Variants in PTPRT observed in about 807,000 individuals in gnomAD.
The protein encoded by PTPRT is receptor-type tyrosine-protein phosphatase T.
A neutral mutation model predicts 176.8 loss-of-function variants in PTPRT; 56 were observed. The observed-to-expected ratio is 0.32, with a 90% CI of 0.26 to 0.40. The LOEUF (loss-of-function observed/expected upper bound fraction) is 0.40. Ranked by LOEUF, PTPRT falls within the 10% of genes least tolerant of loss-of-function variation. PTPRT has a pLI of 1.00. For missense variants in PTPRT, 1,540 were observed against 1,908.2 expected (o/e 0.81, Z 3.60); for synonymous variants, 783 against 739.0 (o/e 1.06, Z -0.96).
chr20:42,325,590 C>T (rs1403090357), intron 11 of PTPRT, among the ~76,000 whole-genome samples: 1 of 152,148 alleles, frequency 6.6e-6, no homozygotes, highest in Non-Finnish European at 1.5e-5. Flanking sequence ...TTCATAGTTA[C>T]AGCTCTGAAC....
chr20:42,734,477 T>A (rs1354381585), intron 6 of PTPRT, among the ~76,000 whole-genome samples: 1 of 152,152 alleles, frequency 6.6e-6, no homozygotes. Context: ...AATGGAGAGC[T>A]GAGGCTGCCA....
chr20:42,345,365 A>G (rs2058172599), intron 11 of PTPRT, among the ~76,000 whole-genome samples: 1 of 96,396 alleles, frequency 1.0e-5, no homozygotes, highest in South Asian at 3.9e-4. Context: ...GAAGGCATAT[A>G]TACACACACA....
At position 42,467,208 on chromosome 20, in the gene PTPRT, C is replaced by T. The variant is rs554821718; in HGVS notation, c.1450+5058G>A. 1.4e-3 allele frequency among the ~76,000 whole-genome samples: 218 copies of T among 152,224 alleles called. 1 individual carries two copies. The highest frequency in any genetic ancestry group is 4.9e-3 in the African/African-American group (205 of 41,530). On this transcript the variant is annotated intron_variant, in intron 8 of 30. Transcript: ENST00000373187. ...CTGGTTCAGGTGAAGACTCTCAGGA[C>T]GTGTTAAAACCATTGAGTGAAAGCT... is the stretch of plus-strand genomic sequence containing the variant.
chr20:42,901,770 T>C (rs1244112670), intron 1 of PTPRT, among the ~76,000 whole-genome samples: 2 of 152,192 alleles, frequency 1.3e-5, no homozygotes, highest in Non-Finnish European at 2.9e-5. Flanking sequence ...GAAAAATAAA[T>C]AGAGAAACCA....
chr20:42,768,312 CCT>C (rs891560114), intron 5 of PTPRT, among the ~76,000 whole-genome samples: 1 of 151,800 alleles, frequency 6.6e-6, no homozygotes, highest in Non-Finnish European at 1.5e-5. Flanking sequence ...CCACTTCACC[CCT>C]CTCTCCCCCT....
At chr20:43,041,125 T>C (rs916527994) in intron 1 of PTPRT, among the ~76,000 whole-genome samples, 5 of 152,178 alleles carry the variant, frequency 3.3e-5, no homozygotes, top group Non-Finnish European at 5.9e-5. Flanking sequence ...TGAGACCGTC[T>C]CCAATCACTT....
chr20:42,270,595 A>G, intron 13 of PTPRT: 1 of 669,882 alleles, frequency 1.5e-6, no homozygotes, highest in South Asian at 1.9e-5. Flanking sequence ...AAAGAACATC[A>G]TGATTTAACA....
At chr20:43,029,639 G>A (rs924195042) in intron 1 of PTPRT, among the ~76,000 whole-genome samples, 1 of 152,190 alleles carries the variant, frequency 6.6e-6, no homozygotes, top group Non-Finnish European at 1.5e-5. Flanking sequence ...ATTGATATTA[G>A]TCTTAGCCAT....
At chr20:43,125,957 G>A (rs1159352092) in intron 1 of PTPRT, among the ~76,000 whole-genome samples, 1 of 152,208 alleles carries the variant, frequency 6.6e-6, no homozygotes, top group Non-Finnish European at 1.5e-5. Flanking sequence ...TAAGGTAATT[G>A]ATTTTAAAAG....
intron 1 of PTPRT, among the ~76,000 whole-genome samples, chr20:42,966,914 G>T (rs1405064991): frequency 6.6e-6 from 1 of 152,182 alleles, no homozygotes. Context: ...ACAGTCACTT[G>T]CATTTCTACT....
intron 7 of PTPRT, among the ~76,000 whole-genome samples, chr20:42,606,469 G>C (rs2073879185): frequency 6.6e-6 from 1 of 152,176 alleles, no homozygotes; most frequent in African/African-American, 2.4e-5. Context: ...CTATGTGCCA[G>C]GCCCTGGGGG....
chr20:42,600,808 A>G (rs1458711393), intron 7 of PTPRT, among the ~76,000 whole-genome samples: 2 of 152,232 alleles, frequency 1.3e-5, no homozygotes, highest in Non-Finnish European at 2.9e-5. Flanking sequence ...ATGGCCGAAT[A>G]GAGTTCCATG....
At chr20:42,070,900 A>AT (rs1037119284), downstream of PTPRT, among the ~76,000 whole-genome samples, 12 of 152,008 alleles carry the variant, frequency 7.9e-5, no homozygotes, top group Admixed American at 7.9e-4. Context: ...GTTATGTGAG[A>AT]TTTTTTTCCT....
chr20:42,337,340 C>T (rs1719833769), intron 11 of PTPRT, among the ~76,000 whole-genome samples: 1 of 152,172 alleles, frequency 6.6e-6, no homozygotes, highest in Non-Finnish European at 1.5e-5. Flanking sequence ...TCTGAGTCTG[C>T]ATCAGAACCT....
At chr20:42,571,787 T>A (rs2073159456) in intron 7 of PTPRT, among the ~76,000 whole-genome samples, 1 of 152,072 alleles carries the variant, frequency 6.6e-6, no homozygotes. Context: ...TTCACTTCTT[T>A]CCATCTTAGT....
At chr20:43,109,563 G>A (rs1250007002) in intron 1 of PTPRT, among the ~76,000 whole-genome samples, 26 of 152,148 alleles carry the variant, frequency 1.7e-4, no homozygotes. Context: ...CTTGTGCTAG[G>A]GGCTGAGGAT....
At chr20:43,045,721 C>G (rs981996364) in intron 1 of PTPRT, among the ~76,000 whole-genome samples, 14 of 151,970 alleles carry the variant, frequency 9.2e-5, no homozygotes, top group South Asian at 4.2e-4. Flanking sequence ...CCTCAGCCCC[C>G]CAATGTGCCA....
intron 7 of PTPRT, among the ~76,000 whole-genome samples, chr20:42,489,792 G>C (rs1404575640): frequency 6.6e-6 from 1 of 151,928 alleles, no homozygotes; most frequent in Non-Finnish European, 1.5e-5. Flanking sequence ...CCCTATGAAA[G>C]ACACAAACTT....
intron 16 of PTPRT, among the ~76,000 whole-genome samples, chr20:42,162,749 T>C (rs533240977): frequency 6.6e-5 from 10 of 152,240 alleles, no homozygotes; most frequent in Non-Finnish European, 1.2e-4. Context: ...AGGTTTAGCA[T>C]ATATTCCCAA....
Sources: allele counts gnomAD v4.1 joint callset (sites outside exome capture counted in the v4.1 genomes callset), GRCh38; gene constraint gnomAD v4.1.1; transcripts MANE v1.5; gene names NCBI Gene and HGNC (gene_info 2026-07-23, HGNC 2026-07-21).